NOTCH2: variants seen among roughly 807,000 people sequenced by gnomAD.
The protein encoded by NOTCH2 is neurogenic locus notch homolog protein 2.
In NOTCH2, 29 loss-of-function variants were observed where a neutral mutation model predicts 235.8. The observed-to-expected ratio is 0.12, with a 90% CI of 0.09 to 0.17. The LOEUF (loss-of-function observed/expected upper bound fraction) is 0.17, where lower values mean the gene tolerates loss of function less well. NOTCH2 is among the 10% of genes least tolerant of loss of function. NOTCH2 has a pLI of 1.00. For synonymous variants in NOTCH2, 1,086 were observed against 1,141.5 expected (o/e 0.95, Z 0.98); for missense variants, 2,285 against 3,150.2 (o/e 0.73, Z 6.57).
At chr1:119,960,416 C>A (rs975930081) in intron 11 of NOTCH2, among the ~76,000 whole-genome samples, 3 of 150,576 alleles carry the variant, frequency 2.0e-5, no homozygotes, top group Non-Finnish European at 3.0e-5. Flanking sequence ...TAACAGTATA[C>A]AATCATTATT....
chr1:119,938,153 A>T, intron 19 of NOTCH2, 143 bp from the exon 20 acceptor site: 1 of 881,190 alleles, frequency 1.1e-6, no homozygotes, highest in Non-Finnish European at 1.8e-6. Context: ...AGAGCCCTTA[A>T]ACTAGATTCA....
chr1:119,932,666 AG>A (rs1389612336), intron 22 of NOTCH2, among the ~76,000 whole-genome samples: 4 of 152,106 alleles, frequency 2.6e-5, no homozygotes, highest in Admixed American at 2.6e-4. Flanking sequence ...AGAGAGAGAG[AG>A]GAAGTTCTAT....
intron 5 of NOTCH2, among the ~76,000 whole-genome samples, chr1:119,982,865 G>T (rs899361041): frequency 6.6e-6 from 1 of 152,208 alleles, no homozygotes; most frequent in Non-Finnish European, 1.5e-5. Context: ...CTGTAGTGGG[G>T]TATATAACAC....
At position 120,069,623 on chromosome 1, in the gene NOTCH2, G is replaced by C; in HGVS notation, c.-217C>G. 7.1e-7 allele frequency: 1 copy of C among 1,404,788 alleles called. No individual in the cohort carries two copies. Among genetic ancestry groups the C allele is most frequent in the South Asian group, 1.5e-5 (1 of 65,132 alleles). 87.0% of individuals were successfully genotyped at this position (1,404,788 alleles called of 1,614,324 possible). ...GCCGCCGCCTCAGCCGCCGCCCGAA[G>C]TTTGGCTGAAACTTTCTCGGGTGTG... On this transcript the variant is annotated 5_prime_UTR_variant, in exon 1 of 34. Transcript: ENST00000256646.
intron 5 of NOTCH2, among the ~76,000 whole-genome samples, chr1:119,981,055 G>A (rs1238933019): frequency 6.6e-6 from 1 of 152,064 alleles, no homozygotes; most frequent in Non-Finnish European, 1.5e-5. Flanking sequence ...ACATTCCATG[G>A]TAACCCTGAG....
intron 22 of NOTCH2, among the ~76,000 whole-genome samples, chr1:119,932,162 C>T (rs370394474): frequency 3.3e-5 from 5 of 152,050 alleles, no homozygotes; most frequent in East Asian, 3.9e-4. Context: ...TCCAATCCAG[C>T]GATTCTATTT....
At chr1:119,978,987 T>C (rs902568680) in intron 5 of NOTCH2, among the ~76,000 whole-genome samples, 14 of 152,188 alleles carry the variant, frequency 9.2e-5, no homozygotes, top group Non-Finnish European at 2.1e-4. Context: ...CTGGGAAAAT[T>C]ATTCACTTAC....
rs1425658761 is a variant in NOTCH2 at position 119,914,019 on chromosome 1, C to T, written c.*1287G>A. ...TGTGAAAGAAAGATTGGTGAGCAGG[C>T]CTTTAAGCAGCAAGATAATCAGTAG... On this transcript the variant is annotated 3_prime_UTR_variant, in exon 34 of 34. Transcript: ENST00000256646. 2.1e-5 allele frequency: 5 copies of T among 232,974 alleles called. No individual in the cohort carries two copies. Among genetic ancestry groups the T allele is most frequent in the Non-Finnish European group, 4.2e-5 (5 of 117,968 alleles). The allele number at this position is 232,974 out of a possible 1,614,324, so 14.4% of individuals were successfully genotyped here. A position where few individuals can be genotyped will look rare whatever the true frequency, so the allele number is the denominator to read the frequency against.
Position 119,915,276 on chromosome 1 carries a change from GT to G in NOTCH2, c.*29del. On this transcript the variant is annotated 3_prime_UTR_variant, in exon 34 of 34. Transcript: ENST00000256646. ...TCCTCAGCAGCATTTACAAAAGTCAGTTATGTCTCTACACTGGAGGTGGACT... is the reference window on the plus strand; with the variant it reads ...TCCTCAGCAGCATTTACAAAAGTCAGTATGTCTCTACACTGGAGGTGGACT... 1.2e-6 allele frequency: 2 copies of G among 1,608,948 alleles called. No individual in the cohort carries two copies. Among genetic ancestry groups the G allele is most frequent in the South Asian group, 2.2e-5 (2 of 90,908 alleles).
intron 14 of NOTCH2, among the ~76,000 whole-genome samples, chr1:119,951,908 A>G (rs1650489713): frequency 2.6e-5 from 4 of 152,250 alleles, no homozygotes; most frequent in Admixed American, 2.6e-4. Flanking sequence ...CAGAAGATAA[A>G]GAAATAAAAG....
chr1:119,954,769 G>C (rs1321262703), intron 13 of NOTCH2, among the ~76,000 whole-genome samples: 1 of 152,200 alleles, frequency 6.6e-6, no homozygotes, highest in Non-Finnish European at 1.5e-5. Context: ...TTCATACAAT[G>C]AGTATGGGTT....
chr1:120,066,498 G>A (rs1655510696), intron 1 of NOTCH2, among the ~76,000 whole-genome samples: 3 of 148,966 alleles, frequency 2.0e-5, no homozygotes, highest in South Asian at 4.3e-4. Flanking sequence ...GCAACACAGA[G>A]TGGGAACTAG....
intron 17 of NOTCH2, among the ~76,000 whole-genome samples, chr1:119,944,274 C>A (rs587612972): frequency 3.7e-4 from 56 of 152,182 alleles, no homozygotes; most frequent in African/African-American, 9.9e-4. Flanking sequence ...TGGTGGCTCA[C>A]GCTGTAATCC....
intron 13 of NOTCH2, among the ~76,000 whole-genome samples, chr1:119,954,369 G>A (rs1650601894): frequency 1.3e-5 from 2 of 152,160 alleles, no homozygotes; most frequent in African/African-American, 2.4e-5. Context: ...CCAATACTGA[G>A]TTAATTAATT....
At chr1:120,038,775 C>G (rs1246667072) in intron 1 of NOTCH2, among the ~76,000 whole-genome samples, 9 of 148,452 alleles carry the variant, frequency 6.1e-5, no homozygotes, top group Non-Finnish European at 1.2e-4. Flanking sequence ...AGGCCTTTAA[C>G]AAGGATGAAA....
rs191695174 is a variant in NOTCH2, at chr1:119,949,783, A to C, written c.2480-657T>G. On this transcript the variant is annotated intron_variant, in intron 15 of 33. Transcript: ENST00000256646. ...TATTCTGCTACTCTACACAACTTAGAGTCACTATTAACAGCTGCTATTAAC... is the reference window on the plus strand; with the variant it reads ...TATTCTGCTACTCTACACAACTTAGCGTCACTATTAACAGCTGCTATTAAC... Among the ~76,000 whole-genome samples the C allele has an allele frequency of 2.6e-5, 4 of 152,282 alleles. No homozygotes were observed. The East Asian group carries it at 7.7e-4, about 29-fold the overall frequency.
rs587638810 is a variant in NOTCH2, at chr1:119,948,705, A to G, written c.2600-139T>C. ...TTGGCCCCCTGCTTTAGGAAGTTCC[A>G]GGAAGACTTCTGTGGCCTAGGAAGT... is the stretch of plus-strand genomic sequence containing the variant. On this transcript the variant is annotated intron_variant, in intron 16 of 33. Coordinates refer to ENST00000256646, the MANE Select transcript of NOTCH2 (RefSeq NM_024408.4). 9.4e-4 allele frequency: 957 copies of G among 1,021,006 alleles called. 9 individuals carry two copies. The highest frequency in any genetic ancestry group is 5.1e-3 in the South Asian group (380 of 74,984). 63.2% of individuals were successfully genotyped at this position (1,021,006 alleles called of 1,614,324 possible). A position where few individuals can be genotyped will look rare whatever the true frequency, so the allele number is the denominator to read the frequency against.
chr1:120,023,212 C>A (rs587692685), intron 2 of NOTCH2, among the ~76,000 whole-genome samples: 1 of 150,950 alleles, frequency 6.6e-6, no homozygotes, highest in African/African-American at 2.4e-5. Context: ...CCGAGGCGGG[C>A]AGATCATGAG....
intron 22 of NOTCH2, among the ~76,000 whole-genome samples, chr1:119,930,271 T>C (rs1649610589): frequency 6.6e-6 from 1 of 152,104 alleles, no homozygotes; most frequent in African/African-American, 2.4e-5. Flanking sequence ...TTTTCTGTAA[T>C]AGTGTATAAG....
Sources: gnomAD v4.1 joint callset for allele counts (sites outside exome capture counted in the v4.1 genomes callset) on GRCh38, gnomAD v4.1.1 for gene constraint, MANE v1.5 for transcripts, NCBI Gene and HGNC (gene_info 2026-07-23, HGNC 2026-07-21) for gene names.